ATP8A2: variants seen among roughly 807,000 people sequenced by gnomAD.
ATP8A2 encodes the protein phospholipid-transporting ATPase IB.
In ATP8A2, 100 loss-of-function variants were observed where a neutral mutation model predicts 165.6. That is an observed-to-expected ratio of 0.60 (90% confidence interval 0.51 to 0.71). ATP8A2 has a LOEUF of 0.71. Ranked by LOEUF, ATP8A2 falls within the 30% of genes least tolerant of loss-of-function variation. ATP8A2 has a pLI of 0.00. For synonymous variants in ATP8A2, 543 were observed against 548.8 expected (o/e 0.99, Z 0.15); for missense variants, 1,227 against 1,479.5 (o/e 0.83, Z 2.80).
intron 1 of ATP8A2, among the ~76,000 whole-genome samples, chr13:25,423,657 G>A (rs187071154): frequency 6.6e-6 from 1 of 152,300 alleles, no homozygotes; most frequent in East Asian, 1.9e-4. Context: ...GATGTCAAAT[G>A]TGTTTTTAAT....
intron 33 of ATP8A2, among the ~76,000 whole-genome samples, chr13:25,960,102 G>A (rs1886315): frequency 0.18 from 26,727 of 152,252 alleles, 2,747 homozygotes; most frequent in Non-Finnish European, 0.24. Flanking sequence ...CCAGAGGCAG[G>A]AGGGCTGTGG....
intron 33 of ATP8A2, among the ~76,000 whole-genome samples, chr13:25,882,894 AGAT>A (rs3837558): frequency 0.09 from 13,219 of 147,234 alleles, 596 homozygotes; most frequent in African/African-American, 0.12. Flanking sequence ...CCTGTGCCTG[AGAT>A]GATGATGATG....
At chr13:25,596,015 A>G (rs2040227853) in intron 24 of ATP8A2, among the ~76,000 whole-genome samples, 1 of 152,170 alleles carries the variant, frequency 6.6e-6, no homozygotes, top group Admixed American at 6.5e-5. Flanking sequence ...TCTACAACCC[A>G]CAGAATTAAC....
intron 1 of ATP8A2, among the ~76,000 whole-genome samples, chr13:25,430,682 C>T (rs1433407222): frequency 6.6e-6 from 1 of 152,064 alleles, no homozygotes; most frequent in African/African-American, 2.4e-5. Context: ...GCTGTAGCCT[C>T]CGCCTCCCAG....
chr13:26,006,057 A>C (rs893937367), intron 35 of ATP8A2, among the ~76,000 whole-genome samples: 19 of 152,052 alleles, frequency 1.2e-4, no homozygotes, highest in Non-Finnish European at 2.7e-4. Flanking sequence ...AACAAAAAAA[A>C]CCATTGGGAT....
chr13:25,468,637 C>T (rs1192609860), intron 1 of ATP8A2, among the ~76,000 whole-genome samples: 1 of 152,134 alleles, frequency 6.6e-6, no homozygotes, highest in East Asian at 1.9e-4. Context: ...CGGTCGCCCA[C>T]CCCGGCCCGA....
Position 25,564,548 on chromosome 13 carries a change from G to A in ATP8A2, c.1473+517G>A, listed in dbSNP as rs1182803336. On this transcript the variant is annotated intron_variant, in intron 16 of 36. Transcript: ENST00000381655. Reference sequence around the variant, plus strand: ...AGGAAGTTAAATAAAAGATTAAATTGGCGAGTAGTTACCCAGCGCATAAAT... The same window carrying A: ...AGGAAGTTAAATAAAAGATTAAATTAGCGAGTAGTTACCCAGCGCATAAAT... 2.0e-5 allele frequency among the ~76,000 whole-genome samples: 3 copies of A among 152,186 alleles called. No individual in the cohort carries two copies. In the East Asian group the frequency reaches 5.8e-4, roughly 29 times the overall value.
chr13:25,443,118 A>G (rs1212063343), intron 1 of ATP8A2, among the ~76,000 whole-genome samples: 3 of 152,206 alleles, frequency 2.0e-5, no homozygotes, highest in Non-Finnish European at 4.4e-5. Context: ...AATCATTGCC[A>G]AATTCAATAG....
intron 30 of ATP8A2, among the ~76,000 whole-genome samples, chr13:25,853,591 A>G (rs1593452302): frequency 6.6e-6 from 1 of 152,262 alleles, no homozygotes; most frequent in East Asian, 1.9e-4. Context: ...TTGTCAAACC[A>G]TAGCTACAAA....
chr13:25,913,755 A>G (rs1045691027), intron 33 of ATP8A2, among the ~76,000 whole-genome samples: 1 of 152,172 alleles, frequency 6.6e-6, no homozygotes, highest in Non-Finnish European at 1.5e-5. Flanking sequence ...TTTTGAAGTG[A>G]TTTGAGTTAG....
At chr13:25,790,002 C>T (rs2045126799) in intron 27 of ATP8A2, among the ~76,000 whole-genome samples, 1 of 152,184 alleles carries the variant, frequency 6.6e-6, no homozygotes, top group Non-Finnish European at 1.5e-5. Flanking sequence ...ATAAATGGTG[C>T]TGGGATAACT....
At chr13:25,793,377 T>A (rs1325349769) in intron 27 of ATP8A2, among the ~76,000 whole-genome samples, 1 of 152,132 alleles carries the variant, frequency 6.6e-6, no homozygotes, top group Non-Finnish European at 1.5e-5. Context: ...TCACCCCAAA[T>A]ATTTTATGAA....
At chr13:25,813,539 G>A (rs922899007) in intron 27 of ATP8A2, among the ~76,000 whole-genome samples, 9 of 152,036 alleles carry the variant, frequency 5.9e-5, no homozygotes, top group Admixed American at 2.0e-4. Flanking sequence ...TGATGATACG[G>A]TATATGATAG....
At chr13:25,386,639 T>A (rs1305306512) in intron 1 of ATP8A2, among the ~76,000 whole-genome samples, 1 of 151,302 alleles carries the variant, frequency 6.6e-6, no homozygotes. Context: ...ACAGAACACA[T>A]CTTCTGGGGA....
chr13:25,894,468 T>C (rs2138915272), intron 33 of ATP8A2, among the ~76,000 whole-genome samples: 1 of 152,350 alleles, frequency 6.6e-6, no homozygotes, highest in Non-Finnish European at 1.5e-5. Context: ...TCAGGTAGCA[T>C]GATGCCTCCA....
chr13:25,671,124 T>G (rs1217622486), intron 24 of ATP8A2, among the ~76,000 whole-genome samples: 3 of 152,220 alleles, frequency 2.0e-5, no homozygotes, highest in African/African-American at 4.8e-5. Context: ...TTTTATAGTT[T>G]CTTATGCCTG....
chr13:26,022,657 G>A lies in ATP8A2; in HGVS notation c.*2672G>A, dbSNP rs1957098775. ...CACTACGTGTGATGTATAATATTTA[G>A]CCAGGGCCAACTCAGGGGCTGTGTC... On this transcript the variant is annotated 3_prime_UTR_variant, in exon 37 of 37. Coordinates refer to ENST00000381655, the MANE Select transcript of ATP8A2 (RefSeq NM_016529.6). 1 of 152,192 alleles carries A rather than the reference G, an allele frequency of 6.6e-6. No homozygotes were observed. The highest frequency in any genetic ancestry group is 1.5e-5 in the Non-Finnish European group (1 of 68,040). The allele number at this position is 152,192 out of a possible 1,614,324, so 9.4% of individuals were successfully genotyped here.
At chr13:25,480,604 C>T (rs1188964406) in intron 2 of ATP8A2, among the ~76,000 whole-genome samples, 2 of 150,980 alleles carry the variant, frequency 1.3e-5, no homozygotes, top group Non-Finnish European at 3.0e-5. Context: ...GGATGGCGGC[C>T]GGGAAGAGGC....
At chr13:25,466,234 A>T (rs2035664513) in intron 1 of ATP8A2, among the ~76,000 whole-genome samples, 2 of 151,794 alleles carry the variant, frequency 1.3e-5, no homozygotes, top group South Asian at 4.2e-4. Context: ...ACTTTTTCCC[A>T]GTTTGGACCC....
Sources: gnomAD v4.1 joint callset for allele counts (sites outside exome capture counted in the v4.1 genomes callset) on GRCh38, gnomAD v4.1.1 for gene constraint, MANE v1.5 for transcripts, NCBI Gene and HGNC (gene_info 2026-07-23, HGNC 2026-07-21) for gene names.